The following SMAP1 variants were observed in gnomAD, a reference collection of about 807,000 sequenced individuals.
SMAP1 encodes the protein stromal membrane-associated protein 1.
SMAP1 carries 24 observed loss-of-function variants against 58.5 expected under a neutral mutation model. The observed-to-expected ratio is 0.41, with a 90% CI of 0.30 to 0.58. SMAP1 has a LOEUF of 0.58. Ranked by LOEUF, SMAP1 falls within the 20% of genes least tolerant of loss-of-function variation. The pLI, the probability that SMAP1 is intolerant of heterozygous loss-of-function variation, is 0.29. For missense variants in SMAP1, 563 were observed against 566.3 expected, an observed-to-expected ratio of 0.99 and a Z score of 0.06; for synonymous variants, 216 against 196.6, an observed-to-expected ratio of 1.10 and a Z score of -0.82.
At chr6:70,785,649 T>A (rs1767982040) in intron 4 of SMAP1, among the ~76,000 whole-genome samples, 1 of 152,088 alleles carries the variant, frequency 6.6e-6, no homozygotes, top group African/African-American at 2.4e-5. Context: ...AAATACAAAC[T>A]ACCATCAGAG....
At chr6:70,710,995 G>A (rs1371673353) in intron 1 of SMAP1, among the ~76,000 whole-genome samples, 1 of 151,998 alleles carries the variant, frequency 6.6e-6, no homozygotes, top group Non-Finnish European at 1.5e-5. Context: ...GTCTTCAAGG[G>A]CAATAACACA....
chr6:70,735,768 A>G (rs1303421395), intron 2 of SMAP1, among the ~76,000 whole-genome samples: 1 of 152,168 alleles, frequency 6.6e-6, no homozygotes, highest in Non-Finnish European at 1.5e-5. Context: ...GACTCAGCCT[A>G]AAAAAGAAGT....
chr6:70,814,247 C>G (rs766001053), intron 6 of SMAP1, among the ~76,000 whole-genome samples: 1 of 152,054 alleles, frequency 6.6e-6, no homozygotes, highest in Non-Finnish European at 1.5e-5. Context: ...CGTTGTGGAT[C>G]GGAAGAAATA....
At chr6:70,833,760 A>G (rs182600366) in intron 6 of SMAP1, among the ~76,000 whole-genome samples, 37 of 152,190 alleles carry the variant, frequency 2.4e-4, no homozygotes, top group Non-Finnish European at 4.9e-4. Context: ...CAGTCAGTGT[A>G]CTCTATTTTC....
At chr6:70,860,099 AGTT>A (rs1212131452) in intron 10 of SMAP1, 98 bp from the exon 11 acceptor site, 20 of 1,322,404 alleles carry the variant, frequency 1.5e-5, no homozygotes, top group East Asian at 2.4e-5. Flanking sequence ...TGCTTGGACT[AGTT>A]GTCACATTAA....
chr6:70,731,663 C>T (rs1025936634), intron 1 of SMAP1, among the ~76,000 whole-genome samples: 3 of 152,174 alleles, frequency 2.0e-5, no homozygotes, highest in African/African-American at 7.2e-5. Flanking sequence ...AATGGTTTCA[C>T]ACTGTATATA....
chr6:70,766,988 A>G (rs565204803), intron 3 of SMAP1, among the ~76,000 whole-genome samples: 2 of 152,038 alleles, frequency 1.3e-5, no homozygotes, highest in South Asian at 4.1e-4. Context: ...TCCCAGCATC[A>G]TTTATTAAAT....
chr6:70,823,315 G>T (rs1769973814), intron 6 of SMAP1, among the ~76,000 whole-genome samples: 2 of 152,122 alleles, frequency 1.3e-5, no homozygotes, highest in Admixed American at 6.6e-5. Flanking sequence ...CCTTTAATGA[G>T]CCTGTGCCCC....
At chr6:70,770,354 G>T (rs1053657740) in intron 3 of SMAP1, among the ~76,000 whole-genome samples, 2 of 152,134 alleles carry the variant, frequency 1.3e-5, no homozygotes, top group Admixed American at 6.6e-5. Context: ...TTTCGACCTT[G>T]GTTCCATTCT....
intron 3 of SMAP1, among the ~76,000 whole-genome samples, chr6:70,758,071 G>A (rs892333977): frequency 6.6e-5 from 10 of 151,764 alleles, no homozygotes; most frequent in South Asian, 2.1e-4. Context: ...ACATGCACAC[G>A]TATGTTTATT....
chr6:70,679,312 C>A (rs1766609124), intron 1 of SMAP1, among the ~76,000 whole-genome samples: 1 of 152,146 alleles, frequency 6.6e-6, no homozygotes, highest in Non-Finnish European at 1.5e-5. Context: ...AGCCACCGCG[C>A]CTGGCCAGAA....
intron 3 of SMAP1, among the ~76,000 whole-genome samples, chr6:70,768,145 G>A (rs1395151457): frequency 5.3e-5 from 8 of 152,204 alleles, no homozygotes; most frequent in Middle Eastern, 3.4e-3. Flanking sequence ...TGCTGGGTTC[G>A]GTTTGCCAGT....
chr6:70,690,301 A>C (rs902345631), intron 1 of SMAP1, among the ~76,000 whole-genome samples: 1 of 152,020 alleles, frequency 6.6e-6, no homozygotes, highest in African/African-American at 2.4e-5. Context: ...TATAGTTTTT[A>C]AAATCTTTTT....
chr6:70,751,415 CACTT>C (rs758117487), intron 2 of SMAP1, among the ~76,000 whole-genome samples: 70 of 152,210 alleles, frequency 4.6e-4, no homozygotes, highest in Non-Finnish European at 4.7e-4. Context: ...ATTTTCTCCT[CACTT>C]GCTTGACTTG....
At chr6:70,799,447 ATGT>A (rs1351105129) in intron 6 of SMAP1, among the ~76,000 whole-genome samples, 1 of 152,166 alleles carries the variant, frequency 6.6e-6, no homozygotes, top group East Asian at 1.9e-4. Context: ...GCTAGTGAGA[ATGT>A]TGTACTTTGT....
intron 4 of SMAP1, among the ~76,000 whole-genome samples, chr6:70,780,431 AT>A (rs1767716196): frequency 6.6e-6 from 1 of 152,182 alleles, no homozygotes; most frequent in Admixed American, 6.5e-5. Flanking sequence ...ATAATGAAAA[AT>A]TAGCTGGATG....
intron 2 of SMAP1, among the ~76,000 whole-genome samples, chr6:70,736,454 T>C (rs1394977547): frequency 6.6e-6 from 1 of 152,106 alleles, no homozygotes; most frequent in East Asian, 1.9e-4. Context: ...CAGAATTAAC[T>C]GTTGTTTTAT....
intron 7 of SMAP1, 79 bp from the exon 8 acceptor site, chr6:70,852,461 T>A: frequency 8.6e-6 from 11 of 1,283,678 alleles, no homozygotes; most frequent in Non-Finnish European, 1.1e-5. Context: ...TTTAACCATA[T>A]ATCAATTTTT....
intron 6 of SMAP1, among the ~76,000 whole-genome samples, chr6:70,805,184 A>C (rs1179598610): frequency 2.0e-5 from 3 of 151,770 alleles, no homozygotes; most frequent in Non-Finnish European, 2.9e-5. Flanking sequence ...TATTTCTTGG[A>C]GTGTTTGTTC....
Sources: allele counts gnomAD v4.1 joint callset (sites outside exome capture counted in the v4.1 genomes callset), GRCh38; gene constraint gnomAD v4.1.1; transcripts MANE v1.5; gene names NCBI Gene and HGNC (gene_info 2026-07-23, HGNC 2026-07-21).